SGCD: variants seen among roughly 807,000 people sequenced by gnomAD.
SGCD encodes the protein sarcoglycan delta.
In SGCD, 18 loss-of-function variants were observed where a neutral mutation model predicts 36.6. That is an observed-to-expected ratio of 0.49 (90% CI 0.34 to 0.73). SGCD has a LOEUF of 0.73. SGCD is among the 30% of genes least tolerant of loss of function. The probability of loss-of-function intolerance (pLI) is 0.01; values close to 1 mark genes in which losing one functional copy is unlikely to be tolerated. For missense variants in SGCD, 387 were observed against 346.7 expected, an observed-to-expected ratio of 1.12 and a Z score of -0.92; for synonymous variants, 133 against 130.6, an observed-to-expected ratio of 1.02 and a Z score of -0.12.
chr5:156,170,614 C>G (rs530586036), intron 3 of SGCD, among the ~76,000 whole-genome samples: 1 of 152,278 alleles, frequency 6.6e-6, no homozygotes, highest in African/African-American at 2.4e-5. Flanking sequence ...TTCTAACTCA[C>G]AATCAAAGGG....
At position 156,060,217 on chromosome 5, in the gene SGCD, A is replaced by G. The variant is rs773875681; in HGVS notation, c.-281-57661A>G. 3.4e-5 allele frequency among the ~76,000 whole-genome samples: 5 copies of G among 146,516 alleles called. 1 individual carries two copies. The South Asian group carries it at 6.4e-4, about 19-fold the overall frequency. Reference sequence around the variant, plus strand: ...GCAGGAGTAGATGCAATGATCAGTAAGTGTAGAGGAGAAATGTGGAGACCA... The same window carrying G: ...GCAGGAGTAGATGCAATGATCAGTAGGTGTAGAGGAGAAATGTGGAGACCA... On this transcript the variant is annotated intron_variant, in intron 1 of 9. Coordinates refer to the SGCD transcript ENST00000517913.
the SGCD span, among the ~76,000 whole-genome samples, chr5:155,806,760 T>A: frequency 2.0e-5 from 3 of 152,192 alleles, no homozygotes; most frequent in South Asian, 2.1e-4. Context: ...AAGACAGCAA[T>A]GAAATAATAG....
chr5:156,490,297 ATTC>A, intron 3 of SGCD, among the ~76,000 whole-genome samples: 1 of 152,140 alleles, frequency 6.6e-6, no homozygotes, highest in Middle Eastern at 3.4e-3. Flanking sequence ...ACTAACACTA[ATTC>A]TTCTTAAACT....
chr5:156,178,288 A>T (rs908727564), intron 3 of SGCD, among the ~76,000 whole-genome samples: 3 of 152,178 alleles, frequency 2.0e-5, no homozygotes, highest in African/African-American at 7.2e-5. Flanking sequence ...TCGTAACTAA[A>T]GAGAATGCTG....
intron 6 of SGCD, among the ~76,000 whole-genome samples, chr5:156,639,923 C>G (rs116716019): frequency 0.018 from 2,656 of 151,650 alleles, 32 homozygotes; most frequent in Non-Finnish European, 0.029. Flanking sequence ...GACATTGGCT[C>G]TCCTTTTACT....
At chr5:156,269,495 A>C (rs371985099) in intron 3 of SGCD, among the ~76,000 whole-genome samples, 35 of 143,148 alleles carry the variant, frequency 2.4e-4, no homozygotes, top group Admixed American at 4.8e-4. Flanking sequence ...AAAAAAAAAA[A>C]AAAAAAAAAA....
At chr5:155,748,325 T>C in the SGCD span, among the ~76,000 whole-genome samples, 18 of 152,170 alleles carry the variant, frequency 1.2e-4, no homozygotes, top group Admixed American at 1.0e-3. Flanking sequence ...CTGGCCACAT[T>C]TCTTGATGAT....
chr5:155,741,345 G>A, the SGCD span, among the ~76,000 whole-genome samples: 1 of 152,188 alleles, frequency 6.6e-6, no homozygotes, highest in Non-Finnish European at 1.5e-5. Context: ...CCTGGAAAAA[G>A]AAGGGAATTC....
At chr5:155,821,887 G>A in the SGCD span, among the ~76,000 whole-genome samples, 4 of 152,130 alleles carry the variant, frequency 2.6e-5, no homozygotes, top group African/African-American at 4.8e-5. Flanking sequence ...AAATAATAAC[G>A]ATAATGCCTA....
At chr5:156,271,515 T>G (rs1766179152) in intron 3 of SGCD, among the ~76,000 whole-genome samples, 1 of 152,236 alleles carries the variant, frequency 6.6e-6, no homozygotes, top group Admixed American at 6.5e-5. Flanking sequence ...TATGTGTGTT[T>G]GTTTTTCACT....
At chr5:156,041,772 A>G (rs572033408) in intron 1 of SGCD, among the ~76,000 whole-genome samples, 3 of 152,270 alleles carry the variant, frequency 2.0e-5, no homozygotes, top group Admixed American at 1.3e-4. Flanking sequence ...ATAGAATAAA[A>G]TAAACATAAA....
the SGCD span, among the ~76,000 whole-genome samples, chr5:155,739,180 C>G: frequency 1.2e-3 from 190 of 152,244 alleles, no homozygotes; most frequent in African/African-American, 4.1e-3. Context: ...GGTCCCTGCC[C>G]TTGAAGAATA....
At chr5:156,129,465 TG>T (rs1762257602) in intron 3 of SGCD, among the ~76,000 whole-genome samples, 1 of 152,328 alleles carries the variant, frequency 6.6e-6, no homozygotes, top group Non-Finnish European at 1.5e-5. Flanking sequence ...TTGGCATAAG[TG>T]CCTATGACCC....
chr5:156,260,981 T>C (rs1765846318), intron 3 of SGCD, among the ~76,000 whole-genome samples: 1 of 152,160 alleles, frequency 6.6e-6, no homozygotes, highest in Non-Finnish European at 1.5e-5. Flanking sequence ...GATTTCCTAA[T>C]GTCATATTCC....
At chr5:156,626,528 G>A (rs567259152) in intron 6 of SGCD, among the ~76,000 whole-genome samples, 1 of 152,252 alleles carries the variant, frequency 6.6e-6, no homozygotes. Context: ...TTGAATCTCT[G>A]CCTCCTGTTC....
the SGCD span, among the ~76,000 whole-genome samples, chr5:155,862,309 G>A: frequency 1.3e-5 from 2 of 151,924 alleles, no homozygotes; most frequent in African/African-American, 4.8e-5. Context: ...CCACTGGATA[G>A]CCATATCAGA....
chr5:155,780,483 C>G, the SGCD span, among the ~76,000 whole-genome samples: 1 of 152,122 alleles, frequency 6.6e-6, no homozygotes, highest in Non-Finnish European at 1.5e-5. Context: ...TCGAAATCCC[C>G]TGCTGCAGTA....
intron 3 of SGCD, among the ~76,000 whole-genome samples, chr5:156,259,275 G>C (rs80291025): frequency 6.6e-6 from 1 of 151,866 alleles, no homozygotes; most frequent in African/African-American, 2.4e-5. Context: ...TTGATGATTT[G>C]TGTGCTCAAG....
the SGCD span, among the ~76,000 whole-genome samples, chr5:155,806,972 GAC>G: frequency 1.3e-3 from 197 of 152,292 alleles, no homozygotes; most frequent in Non-Finnish European, 2.2e-3. Context: ...TCAACACTGA[GAC>G]AATAGCTGTG....
Sources: gnomAD v4.1 joint callset for allele counts (sites outside exome capture counted in the v4.1 genomes callset) on GRCh38, gnomAD v4.1.1 for gene constraint, MANE v1.5 for transcripts, NCBI Gene and HGNC (gene_info 2026-07-23, HGNC 2026-07-21) for gene names.